Variants in KIAA1217 observed in about 807,000 individuals in gnomAD.
The protein encoded by KIAA1217 is sickle tail protein homolog.
In KIAA1217, 88 loss-of-function variants were observed where a neutral mutation model predicts 163.9. The ratio of observed to expected loss-of-function variants is 0.54; its 90% confidence interval spans 0.45 to 0.64. The LOEUF (loss-of-function observed/expected upper bound fraction) is 0.64, where lower values mean the gene tolerates loss of function less well. KIAA1217 is among the 30% of genes least tolerant of loss of function. The pLI, the probability that KIAA1217 is intolerant of heterozygous loss-of-function variation, is 0.00. For missense variants in KIAA1217, 2,372 were observed against 2,475.0 expected, an observed-to-expected ratio of 0.96 and a Z score of 0.88; for synonymous variants, 903 against 923.1, an observed-to-expected ratio of 0.98 and a Z score of 0.39.
At chr10:23,860,993 G>A (rs1157925414) in intron 1 of KIAA1217, among the ~76,000 whole-genome samples, 4 of 151,284 alleles carry the variant, frequency 2.6e-5, no homozygotes, top group African/African-American at 7.3e-5. Flanking sequence ...ATTCACTGCA[G>A]CCTCCACCTC....
upstream of KIAA1217, among the ~76,000 whole-genome samples, chr10:24,207,282 T>TCTCTCTCACACACACACACACACACACA (rs529791287): frequency 7.1e-6 from 1 of 140,166 alleles, no homozygotes; most frequent in African/African-American, 2.9e-5. Context: ...TCTCTCTCTC[T>TCTCTCTCACACACACACACACACACACA]CACACACACA....
intron 2 of KIAA1217, among the ~76,000 whole-genome samples, chr10:24,293,648 A>G (rs2079344437): frequency 6.6e-6 from 1 of 152,180 alleles, no homozygotes; most frequent in Non-Finnish European, 1.5e-5. Flanking sequence ...TTGGAGTTCC[A>G]GGATGTCTTG....
At chr10:24,177,298 T>TATATATATA (rs58744670) in intron 2 of KIAA1217, among the ~76,000 whole-genome samples, 2 of 68,618 alleles carry the variant, frequency 2.9e-5, no homozygotes, top group African/African-American at 4.8e-5. Context: ...TATATATATA[T>TATATATATA]TACAATTTCT....
chr10:23,711,814 G>A (rs755190814), intron 1 of KIAA1217, among the ~76,000 whole-genome samples: 1 of 152,158 alleles, frequency 6.6e-6, no homozygotes, highest in East Asian at 1.9e-4. Flanking sequence ...GCTAATTAAG[G>A]TGTCTTAGTG....
At chr10:24,123,485 A>G (rs963437379) in intron 2 of KIAA1217, among the ~76,000 whole-genome samples, 37 of 152,144 alleles carry the variant, frequency 2.4e-4, no homozygotes, top group African/African-American at 8.2e-4. Context: ...TGTATGTGCT[A>G]GAATTTCTTG....
At chr10:24,330,226 G>A (rs1003982632) in intron 2 of KIAA1217, among the ~76,000 whole-genome samples, 1 of 151,486 alleles carries the variant, frequency 6.6e-6, no homozygotes, top group Non-Finnish European at 1.5e-5. Flanking sequence ...CTTGAACCCA[G>A]GAGGCAGAGG....
chr10:24,213,175 G>A (rs569597531), intron 1 of KIAA1217, among the ~76,000 whole-genome samples: 6 of 152,320 alleles, frequency 3.9e-5, no homozygotes, highest in African/African-American at 9.6e-5. Context: ...GAAGTGTAGC[G>A]CATAGTGTGC....
chr10:23,942,998 C>A (rs1376884270), intron 1 of KIAA1217, among the ~76,000 whole-genome samples: 1 of 151,076 alleles, frequency 6.6e-6, no homozygotes, highest in Non-Finnish European at 1.5e-5. Context: ...GGCACACATA[C>A]CTGTAGCCCC....
intron 5 of KIAA1217, among the ~76,000 whole-genome samples, chr10:24,471,957 T>G (rs935198005): frequency 3.3e-5 from 5 of 151,110 alleles, no homozygotes; most frequent in African/African-American, 1.2e-4. Context: ...ACTCACAGCC[T>G]ACTGTTGACC....
At chr10:24,497,145 A>G (rs1281501170) in intron 8 of KIAA1217, among the ~76,000 whole-genome samples, 1 of 152,240 alleles carries the variant, frequency 6.6e-6, no homozygotes, top group African/African-American at 2.4e-5. Flanking sequence ...AGTCAGCTAC[A>G]AGACAAGTAT....
rs1235557367 is a variant in KIAA1217 at position 23,790,342 on chromosome 10, T to TACATATGC, written c.-321+95110_-321+95117dup. Among the ~76,000 whole-genome samples the TACATATGC allele has an allele frequency of 1.3e-4, 14 of 110,902 alleles. 4 individuals are homozygous for TACATATGC. The highest frequency in any genetic ancestry group is 2.4e-4 in the East Asian group (1 of 4,204). The allele number at this position is 110,902 out of a possible 152,430, so 72.8% of individuals were successfully genotyped here. A position where few individuals can be genotyped will look rare whatever the true frequency, so the allele number is the denominator to read the frequency against. On this transcript the variant is annotated intron_variant, in intron 1 of 18. Coordinates refer to the KIAA1217 transcript ENST00000376462. The stretch of plus-strand genomic sequence containing the variant: ...ATGCACATATGCATATATGCATATA[T>TACATATGC]ACATATGCATATATGCATATATACA...
At chr10:24,448,316 A>T (rs1187587802) in intron 5 of KIAA1217, among the ~76,000 whole-genome samples, 1 of 152,156 alleles carries the variant, frequency 6.6e-6, no homozygotes, top group Non-Finnish European at 1.5e-5. Flanking sequence ...CTAGACAACA[A>T]ATCTAAATAA....
chr10:23,788,999 C>G (rs1016525259), intron 1 of KIAA1217, among the ~76,000 whole-genome samples: 1 of 152,176 alleles, frequency 6.6e-6, no homozygotes, highest in Non-Finnish European at 1.5e-5. Context: ...GTGAAAGGGT[C>G]AATGAACTGG....
At chr10:24,254,418 C>T (rs2131580361) in intron 2 of KIAA1217, among the ~76,000 whole-genome samples, 1 of 152,326 alleles carries the variant, frequency 6.6e-6, no homozygotes, top group African/African-American at 2.4e-5. Flanking sequence ...CACAGTGACT[C>T]TTATCCAGCA....
At chr10:23,774,115 T>C (rs1465156840) in intron 1 of KIAA1217, among the ~76,000 whole-genome samples, 3 of 152,214 alleles carry the variant, frequency 2.0e-5, no homozygotes, top group African/African-American at 7.2e-5. Context: ...ATAGCTCTTA[T>C]TATTTTGAGA....
chr10:24,001,714 A>G (rs755314254), intron 1 of KIAA1217, among the ~76,000 whole-genome samples: 9 of 152,208 alleles, frequency 5.9e-5, no homozygotes, highest in Non-Finnish European at 1.0e-4. Flanking sequence ...TGCACCAGAG[A>G]AAGTTCTTGA....
At chr10:23,721,425 A>T (rs1238354385) in intron 1 of KIAA1217, among the ~76,000 whole-genome samples, 2 of 152,222 alleles carry the variant, frequency 1.3e-5, no homozygotes, top group Non-Finnish European at 2.9e-5. Context: ...TAGGTAAGAC[A>T]TTATAATTTA....
intron 2 of KIAA1217, among the ~76,000 whole-genome samples, chr10:24,320,329 T>C (rs1463877439): frequency 6.6e-6 from 1 of 152,188 alleles, no homozygotes; most frequent in African/African-American, 2.4e-5. Context: ...TAATCACAAA[T>C]ATAACTTGTG....
chr10:23,866,586 C>T (rs368339287), intron 1 of KIAA1217, among the ~76,000 whole-genome samples: 22 of 152,018 alleles, frequency 1.4e-4, no homozygotes, highest in Admixed American at 5.2e-4. Context: ...TTATCTCCCC[C>T]TCCTGGGAAG....
Sources: allele counts gnomAD v4.1 joint callset (sites outside exome capture counted in the v4.1 genomes callset), GRCh38; gene constraint gnomAD v4.1.1; transcripts MANE v1.5; gene names NCBI Gene and HGNC (gene_info 2026-07-23, HGNC 2026-07-21).